Variants in COL12A1 observed in about 807,000 individuals in gnomAD.
COL12A1 encodes collagen type XII alpha 1 chain.
In COL12A1, 114 loss-of-function variants were observed where a neutral mutation model predicts 349.7. That is an observed-to-expected ratio of 0.33 (90% CI 0.28 to 0.38). The LOEUF is 0.38. Among genes scored for constraint, COL12A1 ranks in the 10% least tolerant of loss-of-function variants. COL12A1 has a pLI of 1.00. For missense variants in COL12A1, 3,284 were observed against 3,756.9 expected (o/e 0.87, Z 3.29); for synonymous variants, 1,369 against 1,329.0 (o/e 1.03, Z -0.66).
At chr6:75,201,868 G>T (rs1169069830) in intron 2 of COL12A1, among the ~76,000 whole-genome samples, 1 of 152,146 alleles carries the variant, frequency 6.6e-6, no homozygotes, top group Non-Finnish European at 1.5e-5. Flanking sequence ...GCCACACGGC[G>T]CCGTTTTGGA....
chr6:75,175,144 C>G lies in COL12A1; in HGVS notation c.2604G>C (p.Thr868=), dbSNP rs554348257. 1 of 1,614,010 alleles carries G rather than the reference C, an allele frequency of 6.2e-7. No homozygotes were observed. Among genetic ancestry groups the G allele is most frequent in the Non-Finnish European group, 8.5e-7 (1 of 1,180,030 alleles). The change falls in exon 13 of 66, where the codon ACG becomes ACC. Residue 868 remains threonine (T), a synonymous_variant. Coordinates refer to ENST00000322507, the MANE Select transcript of COL12A1 (RefSeq NM_004370.6). ...TCCCTTCCTTCAATCCCTGCAGCACCGTATTGGTTGTATCTCCCCTCACAG... is the reference window on the plus strand; with the variant it reads ...TCCCTTCCTTCAATCCCTGCAGCACGGTATTGGTTGTATCTCCCCTCACAG... ...EVTVRGDTTN[T]VLQGLKEGTQ...
In COL12A1 at chr6:75,180,989, T is replaced by A. The variant is rs1769244467; in HGVS notation, c.2114A>T (p.Tyr705Phe). Residue 705 changes from tyrosine to phenylalanine, a missense_variant, in exon 11 of 66, where the codon TAT becomes TTT. Transcript: ENST00000322507. ...TAAGGGAATGCTGAAGCCATCCTCATACTCCGCAGTCACATTGACCAAATA... is the reference window on the plus strand; with the variant it reads ...TAAGGGAATGCTGAAGCCATCCTCAAACTCCGCAGTCACATTGACCAAATA... ...TLYLVNVTAEYEDGFSIPLAG... is the reference protein window; with the variant it reads ...TLYLVNVTAEFEDGFSIPLAG... 4 of 1,614,020 alleles carry A rather than the reference T, an allele frequency of 2.5e-6. No homozygotes were observed. The South Asian group carries it at 4.4e-5, about 18-fold the overall frequency.
At chr6:75,102,724 G>A (rs1440578850) in intron 55 of COL12A1, 32 bp from the exon 56 acceptor site, 1 of 1,407,992 alleles carries the variant, frequency 7.1e-7, no homozygotes. Flanking sequence ...CAACCACAAA[G>A]TAATGTAATA....
In COL12A1 at chr6:75,133,714, C is replaced by A. The variant is rs1001908699; in HGVS notation, c.5664+144G>T. 4 of 983,184 alleles carry A rather than the reference C, an allele frequency of 4.1e-6. No individual in the cohort carries two copies. The African/African-American group carries it at 6.5e-5, about 16-fold the overall frequency. 60.9% of individuals were successfully genotyped at this position (983,184 alleles called of 1,614,324 possible). ...TGTTACCCAGGCTCTAAGGCATCAA[C>A]TATTTACCCTCTATAAAGTCTTATT... On this transcript the variant is annotated intron_variant, in intron 33 of 65. Coordinates refer to ENST00000322507, the MANE Select transcript of COL12A1 (RefSeq NM_004370.6).
chr6:75,173,007 A>T (rs1198671909), intron 13 of COL12A1, among the ~76,000 whole-genome samples: 6 of 152,216 alleles, frequency 3.9e-5, no homozygotes, highest in African/African-American at 7.2e-5. Flanking sequence ...ACCAATCTGC[A>T]GCCCCCAACC....
intron 58 of COL12A1, 150 bp downstream of exon 58, chr6:75,101,450 G>C (rs1425989050): frequency 3.2e-6 from 2 of 621,566 alleles, no homozygotes. Flanking sequence ...TCTGATGTTG[G>C]ATGGTCCACT....
intron 17 of COL12A1, among the ~76,000 whole-genome samples, chr6:75,154,181 T>C (rs1680065547): frequency 6.6e-6 from 1 of 151,836 alleles, no homozygotes; most frequent in Non-Finnish European, 1.5e-5. Flanking sequence ...TAGATTTATG[T>C]AATAATTTAA....
rs763305624 is a variant in COL12A1, at chr6:75,115,825, T to C, written c.7656A>G (p.Ala2552=). The change falls in exon 49 of 66, where the codon GCA becomes GCG. Residue 2552 remains alanine, a synonymous_variant. Transcript: ENST00000322507. The part of the protein sequence containing the change: ...LESGSFPSYS[A]YRIQKNAFVN... ...CAAACGCATTCTTCTGAATCCTGTA[T>C]GCTGAGTAGCTGGGGAAAGACCCTG... is the stretch of plus-strand genomic sequence containing the variant. 4.5e-5 allele frequency: 72 copies of C among 1,613,462 alleles called. No individual in the cohort carries two copies. Among genetic ancestry groups the C allele is most frequent in the Middle Eastern group, 1.6e-4 (1 of 6,068 alleles).
At chr6:75,156,924 G>T (rs1767798608) in intron 14 of COL12A1, among the ~76,000 whole-genome samples, 1 of 152,090 alleles carries the variant, frequency 6.6e-6, no homozygotes, top group Non-Finnish European at 1.5e-5. Context: ...CATTTTACTT[G>T]AACTTTTTCA....
At chr6:75,175,448 A>G in intron 12 of COL12A1, 138 bp from the exon 13 acceptor site, 7 of 997,654 alleles carry the variant, frequency 7.0e-6, no homozygotes, top group Non-Finnish European at 1.0e-5. Flanking sequence ...TTAACTGTTG[A>G]CCAGCCAACA....
chr6:75,132,929 C>T (rs753109223), intron 34 of COL12A1, among the ~76,000 whole-genome samples: 6 of 152,066 alleles, frequency 3.9e-5, no homozygotes, highest in Admixed American at 6.6e-5. Flanking sequence ...AGTAATGTGC[C>T]GAACAGATTT....
At chr6:75,187,971 G>T (rs1769722753) in intron 8 of COL12A1, among the ~76,000 whole-genome samples, 1 of 152,068 alleles carries the variant, frequency 6.6e-6, no homozygotes, top group South Asian at 2.1e-4. Flanking sequence ...CAGAAACATT[G>T]TTATTATTTT....
chr6:75,105,120 T>A, intron 54 of COL12A1, 86 bp downstream of exon 54: 2 of 1,094,308 alleles, frequency 1.8e-6, no homozygotes, highest in Admixed American at 4.8e-5. Context: ...TGAATTGAAG[T>A]ATTTTACTGA....
At position 75,145,311 on chromosome 6, in the gene COL12A1, T is replaced by G; in HGVS notation, c.4690+15A>C. 1.3e-6 allele frequency: 2 copies of G among 1,578,048 alleles called. No individual in the cohort carries two copies. The highest frequency in any genetic ancestry group is 1.2e-5 in the South Asian group (1 of 86,126). ...ACAGCAATAAGAAGGGAAATAAAAC[T>G]AAGCAGTAGCTTACAGGTGACTTCC... On this transcript the variant is annotated intron_variant, in intron 25 of 65. Coordinates refer to ENST00000322507, the MANE Select transcript of COL12A1 (RefSeq NM_004370.6).
rs764241362 is a variant in COL12A1 at position 75,181,115 on chromosome 6, T to C, written c.1988A>G (p.His663Arg). 46 of 1,613,502 alleles carry C rather than the reference T, an allele frequency of 2.9e-5. No individual in the cohort carries two copies. The highest frequency in any genetic ancestry group is 1.7e-5 in the Admixed American group (1 of 59,894). ...CCCAGCCGCTTCCTTGTAGGTGATGTGATATGAAAAAACATTTTCTCCAGC... is the reference window on the plus strand; with the variant it reads ...CCCAGCCGCTTCCTTGTAGGTGATGCGATATGAAAAAACATTTTCTCCAGC... ...SPAGENVFSY[H>R]ITYKEAAGDD... Residue 663 changes from histidine to arginine, a missense_variant, in exon 11 of 66, where the codon CAC becomes CGC. By Grantham distance (29) the His-to-Arg change is conservative. This residue lies in a region of COL12A1 where 2,601 missense variants were observed against 2,824.8 expected (regional missense o/e 0.92). Transcript: ENST00000322507.
At chr6:75,120,188 G>T (rs953921557) in intron 44 of COL12A1, among the ~76,000 whole-genome samples, 2 of 152,018 alleles carry the variant, frequency 1.3e-5, no homozygotes, top group East Asian at 3.8e-4. Flanking sequence ...GATGAAAAAA[G>T]CTTGCTAGTT....
chr6:75,145,625 T>G (rs1767141044), intron 24 of COL12A1, among the ~76,000 whole-genome samples, 170 bp from the exon 25 acceptor site: 1 of 151,470 alleles, frequency 6.6e-6, no homozygotes, highest in African/African-American at 2.4e-5. Flanking sequence ...TTTTTTTTTT[T>G]TTTGGTTTGT....
At chr6:75,087,296 A>C (rs1283439110) in intron 65 of COL12A1, 4 of 405,036 alleles carry the variant, frequency 9.9e-6, no homozygotes. Context: ...AAAAAAAGTC[A>C]ATTACTAGCA....
intron 58 of COL12A1, among the ~76,000 whole-genome samples, 170 bp downstream of exon 58, chr6:75,101,429 CT>C (rs1768297221): frequency 6.6e-6 from 1 of 152,150 alleles, no homozygotes; most frequent in Non-Finnish European, 1.5e-5. Flanking sequence ...TTTCAAAGAC[CT>C]TGAGATTGAT....
Sources: gnomAD v4.1 joint callset for allele counts (sites outside exome capture counted in the v4.1 genomes callset) on GRCh38, gnomAD v4.1.1 for gene constraint, gnomAD v4.1.1 regional missense constraint, MANE v1.5 for transcripts, NCBI Gene and HGNC (gene_info 2026-07-23, HGNC 2026-07-21) for gene names.